Variants in RRBP1 observed in about 807,000 individuals in gnomAD.
The protein encoded by RRBP1 is ribosome-binding protein 1.
Under a neutral mutation model 165.2 loss-of-function variants are expected in RRBP1, and 94 were observed. The ratio of observed to expected loss-of-function variants is 0.57; its 90% CI spans 0.48 to 0.68. The LOEUF is 0.68. RRBP1 is among the 30% of genes least tolerant of loss of function. RRBP1 has a pLI of 0.00. For missense variants in RRBP1, 1,676 were observed against 1,763.0 expected (o/e 0.95, Z 0.88); for synonymous variants, 680 against 714.5 (o/e 0.95, Z 0.77).
intron 11 of RRBP1, among the ~76,000 whole-genome samples, chr20:17,626,296 A>G (rs1181035370): frequency 6.6e-6 from 1 of 152,254 alleles, no homozygotes; most frequent in Non-Finnish European, 1.5e-5. Context: ...ACACAAGAGC[A>G]AAACAACAAC....
intron 17 of RRBP1, 73 bp from the exon 18 acceptor site, chr20:17,620,443 C>T: frequency 7.3e-7 from 1 of 1,377,944 alleles, no homozygotes; most frequent in Non-Finnish European, 1.0e-6. Context: ...ATGCTAGGAC[C>T]CGAGCGGGAC....
At chr20:17,635,507 G>A (rs1411682126) in intron 7 of RRBP1, 39 bp downstream of exon 7, 2 of 1,473,596 alleles carry the variant, frequency 1.4e-6, no homozygotes, top group Non-Finnish European at 1.9e-6. Flanking sequence ...TCGCTCCAGG[G>A]CCCTTGGGGA....
At chr20:17,679,459 A>C (rs2122524442) in intron 2 of RRBP1, among the ~76,000 whole-genome samples, 1 of 152,346 alleles carries the variant, frequency 6.6e-6, no homozygotes, top group East Asian at 1.9e-4. Flanking sequence ...GATTTTAGCA[A>C]AGAAAAACTT....
At chr20:17,630,794 A>G (rs946189392) in intron 8 of RRBP1, among the ~76,000 whole-genome samples, 5 of 152,232 alleles carry the variant, frequency 3.3e-5, no homozygotes, top group Admixed American at 6.5e-5. Context: ...TGGGGGCAGA[A>G]CCAGGTAAGA....
chr20:17,651,360 C>T (rs2036553342), intron 3 of RRBP1, among the ~76,000 whole-genome samples: 1 of 152,212 alleles, frequency 6.6e-6, no homozygotes, highest in African/African-American at 2.4e-5. Context: ...ACGTACCCAC[C>T]TTTTGACTTG....
At chr20:17,628,516 T>A (rs900686201) in intron 9 of RRBP1, among the ~76,000 whole-genome samples, 1 of 152,182 alleles carries the variant, frequency 6.6e-6, no homozygotes, top group African/African-American at 2.4e-5. Flanking sequence ...GCTCTCCACC[T>A]GGTGTCAGTG....
intron 2 of RRBP1, among the ~76,000 whole-genome samples, chr20:17,678,006 C>CA (rs1418354228): frequency 6.6e-6 from 1 of 152,096 alleles, no homozygotes; most frequent in African/African-American, 2.4e-5. Context: ...CTAGTCTTGC[C>CA]AAAAAAATCT....
chr20:17,623,156 T>C (rs114485670), intron 13 of RRBP1: 6 of 152,346 alleles, frequency 3.9e-5, no homozygotes, highest in African/African-American at 1.4e-4. Context: ...CACAGCTTCA[T>C]TTACCACATG....
chr20:17,644,540 C>T (rs1288179749), intron 3 of RRBP1, among the ~76,000 whole-genome samples: 1 of 152,224 alleles, frequency 6.6e-6, no homozygotes, highest in Admixed American at 6.5e-5. Context: ...ACTGCCAGCA[C>T]TTTCCAGGAG....
rs774089568 is a variant in RRBP1 at position 17,627,490 on chromosome 20, G to C, written c.2928+14C>G. 3.1e-6 allele frequency: 5 copies of C among 1,606,830 alleles called. No individual in the cohort carries two copies. In the Admixed American group the frequency reaches 8.4e-5, roughly 27 times the overall value. The stretch of plus-strand genomic sequence containing the variant: ...GTTCCCTTTCCTCCCCGTGGCCCCA[G>C]GCAGAAGGCTGACCTGGACGTCCTG... On this transcript the variant is annotated intron_variant, in intron 10 of 24. Coordinates refer to ENST00000377813, the MANE Select transcript of RRBP1 (RefSeq NM_001365613.2).
chr20:17,662,233 A>C (rs2036779314), intron 2 of RRBP1, among the ~76,000 whole-genome samples: 1 of 151,908 alleles, frequency 6.6e-6, no homozygotes, highest in Non-Finnish European at 1.5e-5. Context: ...ACTGCACTCT[A>C]GCCTGGGCGA....
chr20:17,668,419 G>A (rs2036911051), intron 2 of RRBP1, among the ~76,000 whole-genome samples: 1 of 152,026 alleles, frequency 6.6e-6, no homozygotes, highest in Non-Finnish European at 1.5e-5. Flanking sequence ...ATCTTTGTGG[G>A]GCTTTATCAC....
chr20:17,624,117 G>C (rs1044625147), intron 13 of RRBP1, among the ~76,000 whole-genome samples: 19 of 152,228 alleles, frequency 1.2e-4, no homozygotes, highest in African/African-American at 4.6e-4. Flanking sequence ...AGAGAGACCA[G>C]CACGGAGAAG....
At chr20:17,658,360 T>C (rs2036682969) in intron 3 of RRBP1, among the ~76,000 whole-genome samples, 1 of 152,166 alleles carries the variant, frequency 6.6e-6, no homozygotes, top group South Asian at 2.1e-4. Context: ...CCAACCCAGT[T>C]AAAACCAGAT....
At chr20:17,653,134 G>T (rs6111593) in intron 3 of RRBP1, among the ~76,000 whole-genome samples, 6,961 of 152,310 alleles carry the variant, frequency 0.046, 480 homozygotes, top group African/African-American at 0.15. Flanking sequence ...ACCGACAACT[G>T]ACTGCAGTGG....
intron 1 of RRBP1, among the ~76,000 whole-genome samples, chr20:17,681,148 G>C (rs905009302): frequency 6.0e-5 from 9 of 150,750 alleles, no homozygotes; most frequent in Non-Finnish European, 1.2e-4. Context: ...CGGCCCGGAG[G>C]TGTCCGCTTC....
At chr20:17,671,754 C>T (rs1490462399) in intron 2 of RRBP1, among the ~76,000 whole-genome samples, 1 of 152,078 alleles carries the variant, frequency 6.6e-6, no homozygotes, top group South Asian at 2.1e-4. Flanking sequence ...TGCCAAAGGC[C>T]CCCGGGGTTG....
chr20:17,657,504 A>G (rs1956123730), intron 3 of RRBP1, among the ~76,000 whole-genome samples: 1 of 152,238 alleles, frequency 6.6e-6, no homozygotes, highest in Non-Finnish European at 1.5e-5. Flanking sequence ...CCCTTCGTCA[A>G]CACAAATGCA....
intron 7 of RRBP1, among the ~76,000 whole-genome samples, chr20:17,635,265 T>A (rs527881169): frequency 1.3e-5 from 2 of 152,150 alleles, no homozygotes; most frequent in South Asian, 4.2e-4. Context: ...CTGGAAACCC[T>A]CCCTAGTACC....
Sources: gnomAD v4.1 joint callset for allele counts (sites outside exome capture counted in the v4.1 genomes callset) on GRCh38, gnomAD v4.1.1 for gene constraint, MANE v1.5 for transcripts, NCBI Gene and HGNC (gene_info 2026-07-23, HGNC 2026-07-21) for gene names.